Variants in PXDC1 observed in about 807,000 individuals in gnomAD.
PXDC1 encodes PX domain-containing protein 1.
Under a neutral mutation model 24.4 loss-of-function variants are expected in PXDC1, and 13 were observed. The observed-to-expected ratio is 0.53, with a 90% CI of 0.35 to 0.85. PXDC1 has a LOEUF of 0.85. Ranked by LOEUF, PXDC1 falls within the 40% of genes least tolerant of loss-of-function variation. The pLI is 0.01. For missense variants in PXDC1, 344 were observed against 309.3 expected (o/e 1.11, Z -0.84); for synonymous variants, 162 against 124.9 (o/e 1.30, Z -1.98).
At chr6:3,742,491 G>A (rs1210924710) in intron 1 of PXDC1, among the ~76,000 whole-genome samples, 3 of 152,176 alleles carry the variant, frequency 2.0e-5, no homozygotes, top group Non-Finnish European at 4.4e-5. Flanking sequence ...GGTGAAGAGG[G>A]TTGCCTATTC....
intron 1 of PXDC1, 57 bp from the exon 2 acceptor site, chr6:3,738,205 C>A: frequency 7.7e-7 from 1 of 1,291,152 alleles, no homozygotes; most frequent in South Asian, 1.2e-5. Context: ...AACGCGCTCC[C>A]AATGCAATAC....
rs1340976915 is a variant in PXDC1, at chr6:3,751,483, G to A, written c.49C>T (p.Arg17Cys). The A allele has an allele frequency of 5.0e-6, 8 of 1,604,068 alleles. 1 individual carries two copies. In the South Asian group the frequency reaches 7.8e-5, roughly 16 times the overall value. Residue 17 changes from arginine (R) to cysteine (C), a missense_variant, in exon 1 of 5, where the codon CGC (arginine) becomes TGC (cysteine). Arg to Cys is a radical substitution (Grantham distance 180). Transcript: ENST00000380283. ...EGTSLVNMFV[R>C]GCWVNGIRRL... ...CGGATGCCGTTCACCCAGCAGCCGC[G>A]CACGAACATGTTCACGAGCGACGTG... is the stretch of plus-strand genomic sequence containing the variant.
chr6:3,734,262 G>A (rs1760267677), intron 3 of PXDC1, among the ~76,000 whole-genome samples: 1 of 152,194 alleles, frequency 6.6e-6, no homozygotes, highest in Non-Finnish European at 1.5e-5. Flanking sequence ...GCATGTGCCG[G>A]GCACTGTGCC....
rs780955568 is a variant in PXDC1, at chr6:3,737,185, C to G, written c.360G>C (p.Ser120=). The change falls in exon 3 of 5, where the codon TCG becomes TCC. Residue 120 remains serine, a synonymous_variant. Transcript: ENST00000380283. This position sits in a 1 kb window ranked among gnomAD's most constrained non-coding sequence, Gnocchi z 5.5. Reference sequence around the variant, plus strand: ...TTTCGAAGAAGGTGAGCACAACTTCCGATCTAGAATACTGGGGAGAAATGC... The same window carrying G: ...TTTCGAAGAAGGTGAGCACAACTTCGGATCTAGAATACTGGGGAGAAATGC... ...IISMPCKYSR[S]EVVLTFFERS... is the part of the protein sequence containing the mutation. 6.2e-7 allele frequency: 1 copy of G among 1,606,090 alleles called. No individual in the cohort carries two copies. Among genetic ancestry groups the G allele is most frequent in the Non-Finnish European group, 8.5e-7 (1 of 1,172,706 alleles).
At position 3,723,081 on chromosome 6, in the gene PXDC1, GA is replaced by G. The variant is rs1199806752; in HGVS notation, c.*537del. On this transcript the variant is annotated 3_prime_UTR_variant, in exon 5 of 5. Transcript: ENST00000380283. ...CCAGTTTCCAGATAAAAGATAAAAA[GA>G]AAAAAAAAAAGGCCACATATCCCAG... The G allele has an allele frequency of 1.0e-3, 142 of 139,322 alleles. No individual in the cohort carries two copies. Among genetic ancestry groups the G allele is most frequent in the Non-Finnish European group, 1.3e-3 (86 of 63,704 alleles). 8.6% of individuals were successfully genotyped at this position (139,322 alleles called of 1,614,324 possible).
Position 3,738,336 on chromosome 6 carries a change from T to C in PXDC1, c.257-188A>G, listed in dbSNP as rs375045939. ...TCCTGCTCTAAGCCTCATTCCATGT[T>C]TCACCTACCCAGTGATCCATAAAGT... On this transcript the variant is annotated intron_variant, in intron 1 of 4. Transcript: ENST00000380283. 1.5e-4 allele frequency among the ~76,000 whole-genome samples: 23 copies of C among 152,352 alleles called. No homozygotes were observed. In the East Asian group the frequency reaches 4.2e-3, roughly 28 times the overall value.
chr6:3,730,051 T>C (rs938408923), intron 3 of PXDC1, among the ~76,000 whole-genome samples: 13 of 152,208 alleles, frequency 8.5e-5, no homozygotes, highest in African/African-American at 2.7e-4. Context: ...CACATACATG[T>C]GGTTTAATTA....
rs952762344 is a variant in PXDC1, at chr6:3,725,165, G to T, written c.579-1429C>A. Among the ~76,000 whole-genome samples the T allele has an allele frequency of 1.3e-5, 2 of 152,128 alleles. No homozygotes were observed. The highest frequency in any genetic ancestry group is 2.9e-5 in the Non-Finnish European group (2 of 68,018). On this transcript the variant is annotated intron_variant, in intron 4 of 4. Transcript: ENST00000380283. This position sits in a 1 kb window ranked among gnomAD's most constrained non-coding sequence, Gnocchi z 4.8. ...CCCAAGGGGGAACCTTGGGCGTGCC[G>T]AAAGGTTCAAGCCAGTCGAGGGACA...
At position 3,723,397 on chromosome 6, in the gene PXDC1, G is replaced by A; in HGVS notation, c.*222C>T. ...TCAGAACACAGGCCCTGTGGCCTCC[G>A]GCTGTGACCTCAGCTTGCTGGAGAC... On this transcript the variant is annotated 3_prime_UTR_variant, in exon 5 of 5. Transcript: ENST00000380283. 3.5e-6 allele frequency: 2 copies of A among 579,440 alleles called. No homozygotes were observed. Among genetic ancestry groups the A allele is most frequent in the South Asian group, 2.2e-5 (1 of 44,728 alleles). 35.9% of individuals were successfully genotyped at this position (579,440 alleles called of 1,614,324 possible).
chr6:3,724,748 C>A lies in PXDC1; in HGVS notation c.579-1012G>T, dbSNP rs1388517542. 6.6e-6 allele frequency among the ~76,000 whole-genome samples: 1 copy of A among 152,228 alleles called. No individual in the cohort carries two copies. The highest frequency in any genetic ancestry group is 2.4e-5 in the African/African-American group (1 of 41,460). On this transcript the variant is annotated intron_variant, in intron 4 of 4. Coordinates refer to ENST00000380283, the MANE Select transcript of PXDC1 (RefSeq NM_183373.4). The surrounding 1 kb of genome is among the most constrained non-coding windows in gnomAD (Gnocchi z 4.5). ...CCATCTCTGGAAAGCTTTGCCATGA[C>A]CAAGATGACTGCACAGTCCAGGCCC...
chr6:3,722,718 CGGTCGTTAG>C lies in PXDC1; in HGVS notation c.*892_*900del. 6.5e-6 allele frequency: 1 copy of C among 152,730 alleles called. No homozygotes were observed. Among genetic ancestry groups the C allele is most frequent in the Non-Finnish European group, 1.5e-5 (1 of 68,036 alleles). 9.5% of individuals were successfully genotyped at this position (152,730 alleles called of 1,614,324 possible). A position where few individuals can be genotyped will look rare whatever the true frequency, so the allele number is the denominator to read the frequency against. ...TACTATTATTTACATTAGCAAATGT[CGGTCGTTAG>C]TAGACACTGAGCAGAGAAGCTTGAA... On this transcript the variant is annotated 3_prime_UTR_variant, in exon 5 of 5. Coordinates refer to ENST00000380283, the MANE Select transcript of PXDC1 (RefSeq NM_183373.4).
rs1760726562 is a variant in PXDC1 at position 3,751,567 on chromosome 6, C to A, written c.-36G>T. On this transcript the variant is annotated 5_prime_UTR_variant, in exon 1 of 5. Coordinates refer to ENST00000380283, the MANE Select transcript of PXDC1 (RefSeq NM_183373.4). The stretch of plus-strand genomic sequence containing the variant: ...TGCCCCCGCCAAGGGCTCCCCAGCC[C>A]CGCCGCCCGCCCGCCCGCAGGAGGC... 1.4e-6 allele frequency: 2 copies of A among 1,477,202 alleles called. No individual in the cohort carries two copies. The highest frequency in any genetic ancestry group is 1.8e-6 in the Non-Finnish European group (2 of 1,117,350). The allele number at this position is 1,477,202 out of a possible 1,614,324, so 91.5% of individuals were successfully genotyped here.
At chr6:3,736,694 G>A (rs1221656520) in intron 3 of PXDC1, among the ~76,000 whole-genome samples, 3 of 152,166 alleles carry the variant, frequency 2.0e-5, no homozygotes, top group East Asian at 1.9e-4. Flanking sequence ...GCGTCCCTTT[G>A]GTTATGGCTG....
intron 3 of PXDC1, among the ~76,000 whole-genome samples, chr6:3,734,807 G>A (rs566794436): frequency 6.6e-5 from 10 of 152,200 alleles, no homozygotes; most frequent in South Asian, 2.1e-4. Context: ...ATCCTAGGCC[G>A]GGCGCAGTGG....
At chr6:3,730,261 C>T (rs1169788185) in intron 3 of PXDC1, among the ~76,000 whole-genome samples, 3 of 152,170 alleles carry the variant, frequency 2.0e-5, no homozygotes. Context: ...AACCTAGGGG[C>T]AAGCCAGCAG....
At chr6:3,734,452 A>G (rs1438073014) in intron 3 of PXDC1, among the ~76,000 whole-genome samples, 1 of 152,166 alleles carries the variant, frequency 6.6e-6, no homozygotes, top group Non-Finnish European at 1.5e-5. Context: ...CTCCCCACTC[A>G]GACTAAAGAA....
chr6:3,737,493 G>A lies in PXDC1; in HGVS notation c.349-297C>T. 5.3e-6 allele frequency: 1 copy of A among 190,318 alleles called. No homozygotes were observed. Among genetic ancestry groups the A allele is most frequent in the Non-Finnish European group, 9.7e-6 (1 of 102,988 alleles). The allele number at this position is 190,318 out of a possible 1,614,324, so 11.8% of individuals were successfully genotyped here. A position where few individuals can be genotyped will look rare whatever the true frequency, so the allele number is the denominator to read the frequency against. On this transcript the variant is annotated intron_variant, in intron 2 of 4. Transcript: ENST00000380283. This position sits in a 1 kb window ranked among gnomAD's most constrained non-coding sequence, Gnocchi z 5.5. ...CGCCTCCCTCCCTCTATAGTCAACT[G>A]TAGGCTGTGTCCACTCTCCCCACTG...
intron 1 of PXDC1, among the ~76,000 whole-genome samples, chr6:3,750,727 G>T (rs1252271450): frequency 6.6e-6 from 1 of 152,146 alleles, no homozygotes; most frequent in East Asian, 1.9e-4. Flanking sequence ...AGCCGCGGGC[G>T]GGGCGGCCGC....
At chr6:3,732,507 C>A (rs1581243954) in intron 3 of PXDC1, among the ~76,000 whole-genome samples, 1 of 152,236 alleles carries the variant, frequency 6.6e-6, no homozygotes, top group African/African-American at 2.4e-5. Flanking sequence ...GTTGCCAGAT[C>A]GAAGCTGAGG....
Sources: gnomAD v4.1 joint callset for allele counts (sites outside exome capture counted in the v4.1 genomes callset) on GRCh38, gnomAD v4.1.1 for gene constraint, Gnocchi (gnomAD v3.1) non-coding constraint, MANE v1.5 for transcripts, NCBI Gene and HGNC (gene_info 2026-07-23, HGNC 2026-07-21) for gene names.